Variants in ASPH observed in about 807,000 individuals in gnomAD.
ASPH encodes aspartyl/asparaginyl beta-hydroxylase.
In ASPH, 100 loss-of-function variants were observed where a neutral mutation model predicts 118.4. That is an observed-to-expected ratio of 0.84 (90% CI 0.72 to 1.00). ASPH has a LOEUF of 1.00. Among genes scored for constraint, ASPH ranks in the 50% least tolerant of loss-of-function variants. The pLI is 0.00. For missense variants in ASPH, 920 were observed against 919.5 expected (o/e 1.00, Z -0.01); for synonymous variants, 315 against 325.6 (o/e 0.97, Z 0.35).
chr8:61,578,775 C>T (rs745908367), intron 15 of ASPH: 37 of 1,586,862 alleles, frequency 2.3e-5, no homozygotes, highest in Non-Finnish European at 3.1e-5. Flanking sequence ...GATCAATAAG[C>T]ATACAGAGAT....
intron 24 of ASPH, among the ~76,000 whole-genome samples, chr8:61,513,549 C>A (rs1250804951): frequency 6.6e-6 from 1 of 152,172 alleles, no homozygotes; most frequent in Non-Finnish European, 1.5e-5. Context: ...GGCAGAAGGA[C>A]CCCTGTGCTC....
chr8:61,667,157 A>T (rs1820076469), intron 3 of ASPH, among the ~76,000 whole-genome samples: 1 of 152,152 alleles, frequency 6.6e-6, no homozygotes, highest in Non-Finnish European at 1.5e-5. Context: ...ACAAACTACA[A>T]ACAATATGCC....
At chr8:61,504,821 T>A (rs1204280809) in intron 24 of ASPH, among the ~76,000 whole-genome samples, 1 of 152,180 alleles carries the variant, frequency 6.6e-6, no homozygotes, top group Non-Finnish European at 1.5e-5. Context: ...ATAACTGACA[T>A]ACTGAATAAG....
intron 21 of ASPH, among the ~76,000 whole-genome samples, chr8:61,530,428 T>C (rs1365122934): frequency 1.3e-5 from 2 of 152,200 alleles, no homozygotes; most frequent in Non-Finnish European, 2.9e-5. Context: ...TAGGCATCTA[T>C]AAATGGCCTT....
intron 22 of ASPH, among the ~76,000 whole-genome samples, chr8:61,520,059 C>A (rs1812381726): frequency 6.6e-6 from 1 of 152,110 alleles, no homozygotes; most frequent in Admixed American, 6.6e-5. Flanking sequence ...TATTGGACTT[C>A]AATGTCTTTT....
At chr8:61,685,522 T>A (rs1268714598) in intron 1 of ASPH, among the ~76,000 whole-genome samples, 2 of 152,138 alleles carry the variant, frequency 1.3e-5, no homozygotes, top group Non-Finnish European at 2.9e-5. Context: ...CTAGCTCTAA[T>A]CTAGAACTTG....
rs1453367885 is a variant in ASPH, at chr8:61,687,685, T to C, written c.104-3497A>G. On this transcript the variant is annotated intron_variant, in intron 1 of 24. Transcript: ENST00000379454. ...ATAATCTTCAGTACAAGACAGTAACTGGTTTCACATTGATTCTGCCATTAA... is the reference window on the plus strand; with the variant it reads ...ATAATCTTCAGTACAAGACAGTAACCGGTTTCACATTGATTCTGCCATTAA... The C allele has an allele frequency of 2.0e-5, 3 of 152,326 alleles. No individual in the cohort carries two copies. In the East Asian group the frequency reaches 5.8e-4, roughly 29 times the overall value. The allele number at this position is 152,326 out of a possible 1,614,324, so 9.4% of individuals were successfully genotyped here.
intron 13 of ASPH, chr8:61,624,231 T>C (rs1851938801): frequency 1.0e-6 from 1 of 985,278 alleles, no homozygotes; most frequent in Non-Finnish European, 1.2e-6. Flanking sequence ...ATTAAAAATT[T>C]GGGGAAAAAA....
chr8:61,642,983 C>A, intron 9 of ASPH, 63 bp from the exon 10 acceptor site: 2 of 1,397,692 alleles, frequency 1.4e-6, no homozygotes, highest in South Asian at 2.7e-5. Flanking sequence ...TACAATTGTT[C>A]AGTTAAAACA....
At chr8:61,667,719 T>C (rs1820411561) in intron 3 of ASPH, among the ~76,000 whole-genome samples, 1 of 152,218 alleles carries the variant, frequency 6.6e-6, no homozygotes. Flanking sequence ...GTCAATGTAA[T>C]GTAGGGTTAT....
At chr8:61,636,214 G>A (rs1032805570) in intron 12 of ASPH, among the ~76,000 whole-genome samples, 1 of 152,138 alleles carries the variant, frequency 6.6e-6, no homozygotes, top group Non-Finnish European at 1.5e-5. Flanking sequence ...GAGGGGACAA[G>A]AACAGAATCA....
intron 4 of ASPH, among the ~76,000 whole-genome samples, chr8:61,653,081 A>C (rs1811882829): frequency 6.6e-6 from 1 of 152,212 alleles, no homozygotes; most frequent in South Asian, 2.1e-4. Flanking sequence ...GAGATGCTTG[A>C]TTTATGAACC....
chr8:61,503,610 C>T, intron 24 of ASPH, 101 bp from the exon 25 acceptor site: 7 of 1,184,182 alleles, frequency 5.9e-6, no homozygotes, highest in Non-Finnish European at 8.0e-6. Context: ...TGGTAACAAC[C>T]TTTGGGACAT....
rs1040345143 is a variant in ASPH, at chr8:61,538,864, C to T, written c.1764+9207G>A. On this transcript the variant is annotated intron_variant, in intron 21 of 24. Transcript: ENST00000379454. ...GGATGTGTTTATATCCAAGCAGCTGCGCTGAAAAACTGGGAAAAGAATGCA... is the reference window on the plus strand; with the variant it reads ...GGATGTGTTTATATCCAAGCAGCTGTGCTGAAAAACTGGGAAAAGAATGCA... Among the ~76,000 whole-genome samples the T allele has an allele frequency of 4.6e-5, 7 of 152,182 alleles. No individual in the cohort carries two copies. In the East Asian group the frequency reaches 5.8e-4, roughly 13 times the overall value.
At chr8:61,681,697 A>G (rs1047725096) in intron 2 of ASPH, among the ~76,000 whole-genome samples, 4 of 151,862 alleles carry the variant, frequency 2.6e-5, no homozygotes, top group African/African-American at 9.7e-5. Flanking sequence ...TAATCAGCAC[A>G]GGCAATCTAT....
intron 13 of ASPH, among the ~76,000 whole-genome samples, chr8:61,619,694 C>T (rs1295762918): frequency 6.6e-6 from 1 of 152,214 alleles, no homozygotes; most frequent in Non-Finnish European, 1.5e-5. Flanking sequence ...ACATGGAAAA[C>T]AACAGCATAT....
chr8:61,517,637 C>T lies in ASPH; in HGVS notation c.2017G>A (p.Gly673Arg), dbSNP rs1397511085. ...GQIKYSIMHP[G>R]THVWPHTGPT... ...CCTGTGTGCGGCCACACGTGAGTCC[C>T]GGGGTGCATGATGGAATATTTGATC... The change falls in exon 24 of 25, where the codon GGG (glycine) becomes AGG (arginine). Residue 673 changes from glycine (G) to arginine (R), a missense_variant. Physicochemically the swap from Gly to Arg is moderately radical, Grantham distance 125. Transcript: ENST00000379454. The T allele has an allele frequency of 5.6e-6, 9 of 1,613,926 alleles. No individual in the cohort carries two copies. The highest frequency in any genetic ancestry group is 1.7e-5 in the Admixed American group (1 of 60,008).
chr8:61,681,196 T>TA (rs1827876059), intron 2 of ASPH, among the ~76,000 whole-genome samples, 160 bp from the exon 3 acceptor site: 2 of 151,950 alleles, frequency 1.3e-5, no homozygotes, highest in South Asian at 4.1e-4. Flanking sequence ...ATGAATATCT[T>TA]ACCTAAAAAT....
chr8:61,705,740 A>G (rs956897485), intron 1 of ASPH, among the ~76,000 whole-genome samples: 3 of 152,218 alleles, frequency 2.0e-5, no homozygotes, highest in Admixed American at 2.0e-4. Flanking sequence ...AGACACTAAA[A>G]TTTGTGCAAT....
Sources: allele counts gnomAD v4.1 joint callset (sites outside exome capture counted in the v4.1 genomes callset), GRCh38; gene constraint gnomAD v4.1.1; transcripts MANE v1.5; gene names NCBI Gene and HGNC (gene_info 2026-07-23, HGNC 2026-07-21).